Variants in PIK3CB observed in about 807,000 individuals in gnomAD.
The protein encoded by PIK3CB is phosphatidylinositol 4,5-bisphosphate 3-kinase catalytic subunit beta isoform.
In PIK3CB, 39 loss-of-function variants were observed where a neutral mutation model predicts 136.8. The ratio of observed to expected loss-of-function variants is 0.29; its 90% CI spans 0.22 to 0.37. The LOEUF (loss-of-function observed/expected upper bound fraction) is 0.37. PIK3CB is among the 10% of genes least tolerant of loss of function. The probability of loss-of-function intolerance (pLI) is 1.00; values close to 1 mark genes in which losing one functional copy is unlikely to be tolerated. For missense variants in PIK3CB, 868 were observed against 1,275.4 expected (o/e 0.68, Z 4.87); for synonymous variants, 428 against 436.6 (o/e 0.98, Z 0.25).
chr3:138,681,337 T>G (rs1430958132), intron 19 of PIK3CB, among the ~76,000 whole-genome samples: 1 of 152,158 alleles, frequency 6.6e-6, no homozygotes, highest in Non-Finnish European at 1.5e-5. Flanking sequence ...TGTGCCAACA[T>G]GCCTATTAGT....
At chr3:138,782,517 A>G (rs921421157) in intron 2 of PIK3CB, among the ~76,000 whole-genome samples, 2 of 152,224 alleles carry the variant, frequency 1.3e-5, no homozygotes, top group Non-Finnish European at 2.9e-5. Flanking sequence ...CAAGGTCACT[A>G]TGGCAGAGAC....
At chr3:138,760,956 A>G (rs141545395) in intron 2 of PIK3CB, among the ~76,000 whole-genome samples, 53 of 152,350 alleles carry the variant, frequency 3.5e-4, no homozygotes, top group African/African-American at 1.2e-3. Flanking sequence ...TTGCTAATAA[A>G]TGGAAAAAGA....
At chr3:138,794,242 C>A (rs2046084699) in intron 2 of PIK3CB, among the ~76,000 whole-genome samples, 1 of 152,094 alleles carries the variant, frequency 6.6e-6, no homozygotes, top group Non-Finnish European at 1.5e-5. Context: ...GGGTTACAGG[C>A]GTGAGTCACA....
At chr3:138,671,624 G>C (rs1473915943) in intron 19 of PIK3CB, among the ~76,000 whole-genome samples, 1 of 152,228 alleles carries the variant, frequency 6.6e-6, no homozygotes, top group Non-Finnish European at 1.5e-5. Flanking sequence ...TTAGGCCCAT[G>C]AGGTAGGATC....
intron 8 of PIK3CB, among the ~76,000 whole-genome samples, chr3:138,727,561 G>A (rs2044867311): frequency 6.6e-6 from 1 of 152,162 alleles, no homozygotes; most frequent in African/African-American, 2.4e-5. Context: ...AACAGAACTG[G>A]GCCAACAACT....
chr3:138,695,065 A>AGATTG (rs2044106569), intron 13 of PIK3CB, among the ~76,000 whole-genome samples, 158 bp from the exon 14 acceptor site: 1 of 152,222 alleles, frequency 6.6e-6, no homozygotes, highest in Non-Finnish European at 1.5e-5. Context: ...AGACTAATAA[A>AGATTG]GATTGTCTTT....
At chr3:138,744,964 A>C (rs745515792) in intron 4 of PIK3CB, among the ~76,000 whole-genome samples, 2 of 151,982 alleles carry the variant, frequency 1.3e-5, no homozygotes, top group African/African-American at 2.4e-5. Flanking sequence ...GCCATACCAC[A>C]ATCTATTTCT....
intron 3 of PIK3CB, among the ~76,000 whole-genome samples, chr3:138,756,331 T>C (rs2045567117): frequency 6.6e-6 from 1 of 152,106 alleles, no homozygotes; most frequent in Non-Finnish European, 1.5e-5. Flanking sequence ...ATAAATGAAA[T>C]TACTAAAAGC....
At chr3:138,819,692 G>A (rs1398655734) in intron 1 of PIK3CB, among the ~76,000 whole-genome samples, 1 of 152,078 alleles carries the variant, frequency 6.6e-6, no homozygotes, top group Non-Finnish European at 1.5e-5. Flanking sequence ...TCCTAAGTAG[G>A]CCAGGCATGG....
intron 17 of PIK3CB, among the ~76,000 whole-genome samples, 193 bp downstream of exon 17, chr3:138,684,432 T>A (rs543417094): frequency 6.6e-6 from 1 of 152,340 alleles, no homozygotes; most frequent in South Asian, 2.1e-4. Flanking sequence ...TTTCACTAAA[T>A]CCACTGGTAA....
At chr3:138,768,011 C>T (rs372376825) in intron 2 of PIK3CB, among the ~76,000 whole-genome samples, 39 of 152,344 alleles carry the variant, frequency 2.6e-4, no homozygotes, top group East Asian at 9.7e-4. Flanking sequence ...GAATGAAGTA[C>T]GCAGCCAAGC....
intron 4 of PIK3CB, among the ~76,000 whole-genome samples, chr3:138,743,000 T>C (rs1233458547): frequency 6.6e-6 from 1 of 152,168 alleles, no homozygotes; most frequent in Non-Finnish European, 1.5e-5. Flanking sequence ...TTATATTTTT[T>C]TAAAAAATAC....
chr3:138,834,659 G>C (rs1184747694), intron 1 of PIK3CB, 36 bp downstream of exon 1: 1 of 154,660 alleles, frequency 6.5e-6, no homozygotes, highest in East Asian at 1.9e-4. Flanking sequence ...CCGCCCCTCA[G>C]CCGCGCCGCA....
At chr3:138,751,807 C>T (rs1163277434) in intron 4 of PIK3CB, among the ~76,000 whole-genome samples, 2 of 151,752 alleles carry the variant, frequency 1.3e-5, no homozygotes, top group East Asian at 1.9e-4. Context: ...CCCATCTCTA[C>T]AAAAAATATA....
At position 138,653,253 on chromosome 3, in the gene PIK3CB, G is replaced by C. The variant is rs74473620; in HGVS notation, c.*2136C>G. ...CAATAAATCTGAAATGTATACTGAG[G>C]CATTGTGAGTAAAGAGCACAGATAA... On this transcript the variant is annotated 3_prime_UTR_variant, in exon 24 of 24. Coordinates refer to ENST00000674063, the MANE Select transcript of PIK3CB (RefSeq NM_006219.3). The C allele has an allele frequency of 0.026, 4,698 of 178,096 alleles. 241 individuals are homozygous for C. The highest frequency in any genetic ancestry group is 0.11 in the African/African-American group (4,460 of 42,348). 11.0% of individuals were successfully genotyped at this position (178,096 alleles called of 1,614,324 possible).
intron 1 of PIK3CB, among the ~76,000 whole-genome samples, chr3:138,806,384 G>A (rs1217605328): frequency 6.6e-6 from 1 of 152,102 alleles, no homozygotes; most frequent in African/African-American, 2.4e-5. Context: ...TACTCTGTAG[G>A]CTGAGGCAGG....
chr3:138,833,868 T>G (rs1446776245), intron 1 of PIK3CB, among the ~76,000 whole-genome samples: 1 of 152,156 alleles, frequency 6.6e-6, no homozygotes, highest in African/African-American at 2.4e-5. Flanking sequence ...CAGCAGTAAT[T>G]CCCACTCAGT....
intron 12 of PIK3CB, 138 bp downstream of exon 12, chr3:138,704,305 G>T: frequency 1.4e-6 from 1 of 695,160 alleles, no homozygotes; most frequent in Non-Finnish European, 2.6e-6. Flanking sequence ...ACACTATCAT[G>T]TGCATACTTA....
chr3:138,707,317 T>A, intron 10 of PIK3CB, 28 bp from the exon 11 acceptor site: 1 of 1,580,820 alleles, frequency 6.3e-7, no homozygotes, highest in Non-Finnish European at 8.6e-7. Context: ...TTTTGGTTCT[T>A]AAAAAATGTC....
Sources: gnomAD v4.1 joint callset for allele counts (sites outside exome capture counted in the v4.1 genomes callset) on GRCh38, gnomAD v4.1.1 for gene constraint, MANE v1.5 for transcripts, NCBI Gene and HGNC (gene_info 2026-07-23, HGNC 2026-07-21) for gene names.